The following CXADR variants were observed in gnomAD, a reference collection of about 807,000 sequenced individuals.
The protein encoded by CXADR is coxsackievirus and adenovirus receptor.
CXADR carries 20 observed loss-of-function variants against 40.3 expected under a neutral mutation model. That is an observed-to-expected ratio of 0.50 (90% CI 0.35 to 0.72). The LOEUF (loss-of-function observed/expected upper bound fraction) is 0.72. Among genes scored for constraint, CXADR ranks in the 30% least tolerant of loss-of-function variants. CXADR has a pLI of 0.01. For synonymous variants in CXADR, 150 were observed against 161.3 expected (o/e 0.93, Z 0.53); for missense variants, 332 against 449.1 (o/e 0.74, Z 2.36).
Position 17,559,020 on chromosome 21 carries a change from A to C in CXADR, c.460A>C (p.Ile154Leu). The C allele has an allele frequency of 6.2e-7, 1 of 1,614,014 alleles. No homozygotes were observed. The highest frequency in any genetic ancestry group is 8.5e-7 in the Non-Finnish European group (1 of 1,179,960). The change falls in exon 4 of 7, where the codon ATT (isoleucine) becomes CTT (leucine). Residue 154 changes from isoleucine to leucine, a missense_variant. Ile to Leu is a conservative substitution (Grantham distance 5, BLOSUM62 2). This residue lies in a region of CXADR where 162 missense variants were observed against 198.5 expected (regional missense o/e 0.82). Coordinates refer to ENST00000284878, the MANE Select transcript of CXADR (RefSeq NM_001338.5). ...ARCYVDGSEE[I>L]GSDFKIKCEP... ...ATGTTACGTTGATGGATCTGAAGAA[A>C]TTGGAAGTGACTTTAAGATAAAATG... is the stretch of plus-strand genomic sequence containing the variant.
At chr21:17,632,606 G>A in the CXADR span, among the ~76,000 whole-genome samples, 6 of 152,304 alleles carry the variant, frequency 3.9e-5, no homozygotes, top group African/African-American at 7.2e-5. Flanking sequence ...GGTGGCTCAC[G>A]CCTGTAATGC....
Position 17,550,826 on chromosome 21 carries a change from A to G in CXADR, c.211-923A>G, listed in dbSNP as rs189525417. 3.3e-5 allele frequency among the ~76,000 whole-genome samples: 5 copies of G among 152,350 alleles called. No individual in the cohort carries two copies. In the East Asian group the frequency reaches 5.8e-4, roughly 18 times the overall value. On this transcript the variant is annotated intron_variant, in intron 2 of 6. Transcript: ENST00000284878. ...TGTGGTTCAGAAAACTCAGTGGGTT[A>G]GGCACAGGTCTTTGCTTTAGTTACA...
At chr21:17,602,024 AGACACCTG>A in the CXADR span, among the ~76,000 whole-genome samples, 49 of 152,342 alleles carry the variant, frequency 3.2e-4, no homozygotes, top group South Asian at 0.01. Context: ...GAGAATTAGT[AGACACCTG>A]GACAACTTTT....
intron 1 of CXADR, among the ~76,000 whole-genome samples, chr21:17,535,601 A>G (rs900798930): frequency 2.6e-5 from 4 of 152,118 alleles, no homozygotes; most frequent in Admixed American, 2.0e-4. Context: ...GGGTTTTGAC[A>G]TTTTTCACAA....
At chr21:17,585,663 G>A (rs979376754) in intron 7 of CXADR, among the ~76,000 whole-genome samples, 6 of 151,998 alleles carry the variant, frequency 3.9e-5, no homozygotes, top group Non-Finnish European at 7.4e-5. Flanking sequence ...GATTACAGGC[G>A]CGTGCCACTA....
chr21:17,594,110 T>C (rs371264168), downstream of CXADR: 20 of 1,612,938 alleles, frequency 1.2e-5, no homozygotes, highest in East Asian at 2.2e-4. Flanking sequence ...GGTGCTAACA[T>C]GTGAGGATTA....
chr21:17,536,627 T>A (rs1488572300), intron 1 of CXADR, among the ~76,000 whole-genome samples: 5 of 152,150 alleles, frequency 3.3e-5, no homozygotes, highest in Non-Finnish European at 5.9e-5. Flanking sequence ...TCCAGTTAAG[T>A]TAGTATGTGC....
the CXADR span, among the ~76,000 whole-genome samples, chr21:17,618,452 A>G: frequency 2.3e-3 from 354 of 152,282 alleles, 1 homozygote; most frequent in African/African-American, 7.8e-3. Context: ...TCCTTTCCCT[A>G]GGTTTTCAAT....
chr21:17,581,817 C>G (rs1014418506), intron 7 of CXADR, among the ~76,000 whole-genome samples: 1 of 206 alleles, frequency 4.9e-3, no homozygotes, highest in Admixed American at 0.045. Flanking sequence ...GCAACTCCAG[C>G]CTGGGGTGAC....
At chr21:17,624,448 T>TC in the CXADR span, among the ~76,000 whole-genome samples, 1 of 152,222 alleles carries the variant, frequency 6.6e-6, no homozygotes, top group East Asian at 1.9e-4. Flanking sequence ...CACCCTTATC[T>TC]CCCAGAGGAC....
intron 2 of CXADR, among the ~76,000 whole-genome samples, chr21:17,551,540 G>T (rs2060968467): frequency 6.6e-6 from 1 of 152,108 alleles, no homozygotes; most frequent in African/African-American, 2.4e-5. Flanking sequence ...TAGAAGTCTG[G>T]GACTATACCC....
chr21:17,600,578 CAGG>C, the CXADR span, among the ~76,000 whole-genome samples: 1 of 152,028 alleles, frequency 6.6e-6, no homozygotes, highest in Non-Finnish European at 1.5e-5. Flanking sequence ...TCCAGCACTT[CAGG>C]AGGCCTAGGT....
intron 6 of CXADR, among the ~76,000 whole-genome samples, chr21:17,563,178 T>A (rs1015307762): frequency 1.3e-5 from 2 of 152,184 alleles, no homozygotes; most frequent in Non-Finnish European, 2.9e-5. Context: ...GGGTTTTGAT[T>A]TAAAGAGAGC....
intron 2 of CXADR, 112 bp downstream of exon 2, chr21:17,547,305 C>T: frequency 1.4e-6 from 2 of 1,457,354 alleles, no homozygotes; most frequent in East Asian, 2.4e-5. Context: ...AGGAAGCCCC[C>T]CAACTTCTCA....
chr21:17,615,527 C>A, the CXADR span, among the ~76,000 whole-genome samples: 1 of 152,092 alleles, frequency 6.6e-6, no homozygotes, highest in East Asian at 1.9e-4. Flanking sequence ...AATAACAGAA[C>A]AATTATTATA....
At chr21:17,594,123 C>T, downstream of CXADR, 1 of 1,613,082 alleles carries the variant, frequency 6.2e-7, no homozygotes, top group Non-Finnish European at 8.5e-7. Context: ...GAGGATTAAT[C>T]CAGTGATTCC....
intron 7 of CXADR, among the ~76,000 whole-genome samples, chr21:17,583,332 G>A (rs1353140525): frequency 1.3e-5 from 2 of 152,040 alleles, no homozygotes; most frequent in Non-Finnish European, 2.9e-5. Context: ...ACAGTTAAGT[G>A]AAGAAATTTA....
chr21:17,569,528 A>G lies in CXADR; in HGVS notation c.*3836A>G. On this transcript the variant is annotated 3_prime_UTR_variant, in exon 7 of 7. Coordinates refer to ENST00000284878, the MANE Select transcript of CXADR (RefSeq NM_001338.5). The stretch of plus-strand genomic sequence containing the variant: ...ACTCATTTACCTATTTTAACACTAA[A>G]ATAGACCACAACTGAGCACAAATTC... 1.0e-6 allele frequency: 1 copy of G among 985,362 alleles called. No homozygotes were observed. Among genetic ancestry groups the G allele is most frequent in the Non-Finnish European group, 1.2e-6 (1 of 829,906 alleles). The allele number at this position is 985,362 out of a possible 1,614,324, so 61.0% of individuals were successfully genotyped here. A position where few individuals can be genotyped will look rare whatever the true frequency, so the allele number is the denominator to read the frequency against.
downstream of CXADR, chr21:17,594,005 C>CTAT (rs1335323564): frequency 6.8e-6 from 10 of 1,463,474 alleles, no homozygotes; most frequent in African/African-American, 1.0e-4. Flanking sequence ...AACTTCACTA[C>CTAT]TATTAGTAAG....
Sources: gnomAD v4.1 joint callset for allele counts (sites outside exome capture counted in the v4.1 genomes callset) on GRCh38, gnomAD v4.1.1 for gene constraint, gnomAD v4.1.1 regional missense constraint, MANE v1.5 for transcripts, NCBI Gene and HGNC (gene_info 2026-07-23, HGNC 2026-07-21) for gene names.